The following B4GALNT2 variants were observed in gnomAD, a reference collection of about 807,000 sequenced individuals.
B4GALNT2 encodes the protein N-acetylneuraminylgalactosylglucosyl-glucoside beta-1,4-N- acetylgalactosaminyltransferase 2.
In B4GALNT2, 42 loss-of-function variants were observed where a neutral mutation model predicts 51.1. That is an observed-to-expected ratio of 0.82 (90% CI 0.64 to 1.06). The LOEUF (loss-of-function observed/expected upper bound fraction) is 1.06. Ranked by LOEUF, B4GALNT2 falls within the 50% of genes least tolerant of loss-of-function variation. The probability of loss-of-function intolerance (pLI) is 0.00; values close to 1 mark genes in which losing one functional copy is unlikely to be tolerated. For synonymous variants in B4GALNT2, 253 were observed against 251.7 expected, an observed-to-expected ratio of 1.01 and a Z score of -0.05; for missense variants, 602 against 633.6, an observed-to-expected ratio of 0.95 and a Z score of 0.54.
At chr17:49,167,972 G>A (rs571068789) in intron 9 of B4GALNT2, among the ~76,000 whole-genome samples, 10 of 152,018 alleles carry the variant, frequency 6.6e-5, no homozygotes, top group African/African-American at 1.9e-4. Context: ...ATTCCACACC[G>A]TATGCCTGCA....
At chr17:49,152,949 A>C in intron 4 of B4GALNT2, 43 bp downstream of exon 4, 99 of 1,521,762 alleles carry the variant, frequency 6.5e-5, no homozygotes, top group African/African-American at 8.3e-5. Context: ...CAACATTCTC[A>C]CTCTTCTAAG....
At chr17:49,136,538 ATTTATTTAT>A (rs2042591875) in intron 1 of B4GALNT2, among the ~76,000 whole-genome samples, 2 of 149,820 alleles carry the variant, frequency 1.3e-5, no homozygotes, top group South Asian at 4.2e-4. Context: ...TTATTTATTT[ATTTATTTAT>A]TTATTTATTT....
chr17:49,148,638 A>AACTTG, intron 3 of B4GALNT2: 1 of 555,498 alleles, frequency 1.8e-6, no homozygotes. Flanking sequence ...TTCCTGCACA[A>AACTTG]AGCCTCCGGA....
At chr17:49,158,283 G>T (rs1484558817) in intron 5 of B4GALNT2, among the ~76,000 whole-genome samples, 8 of 152,154 alleles carry the variant, frequency 5.3e-5, no homozygotes, top group Admixed American at 2.6e-4. Flanking sequence ...CTTGTGAAAG[G>T]TCCCAGCAGT....
rs1226668323 is a variant in B4GALNT2 at position 49,169,659 on chromosome 17, C to A, written c.1452C>A (p.Asn484Lys). 2 of 1,610,430 alleles carry A rather than the reference C, an allele frequency of 1.2e-6. No individual in the cohort carries two copies. Among genetic ancestry groups the A allele is most frequent in the South Asian group, 1.1e-5 (1 of 90,772 alleles). Residue 484 changes from asparagine to lysine, a missense_variant, in exon 11 of 11, where the codon AAC becomes AAA. Asn to Lys is a moderately conservative substitution (Grantham distance 94, BLOSUM62 0). Coordinates refer to ENST00000393354, the MANE Select transcript of B4GALNT2 (RefSeq NM_001159387.2). Reference protein sequence around the residue: ...LEKTYNTYRSNTLTRVQFKLA... With the variant: ...LEKTYNTYRSKTLTRVQFKLA... ...AGACCTACAATACATACCGGTCCAA[C>A]ACCCTCACCCGGGTCCAGTTCAAGC... is the stretch of plus-strand genomic sequence containing the variant.
intron 3 of B4GALNT2, among the ~76,000 whole-genome samples, chr17:49,150,646 C>T (rs910529246): frequency 4.6e-5 from 7 of 151,384 alleles, no homozygotes; most frequent in Admixed American, 4.0e-4. Flanking sequence ...CTCTCTGAAA[C>T]ATGTGCTGTG....
intron 10 of B4GALNT2, 34 bp from the exon 11 acceptor site, chr17:49,169,489 C>T: frequency 6.3e-7 from 1 of 1,593,328 alleles, no homozygotes. Context: ...CTGACCGCAG[C>T]TCCCACTTCC....
chr17:49,173,707 AT>A lies in B4GALNT2; in HGVS notation c.*3982del, dbSNP rs1278849526. Reference sequence around the variant, plus strand: ...TCTCCCATTTCCTATCATAGTAGCGATTTGATCCAAATAAGGAGTTAGAGTC... The same window carrying A: ...TCTCCCATTTCCTATCATAGTAGCGATTGATCCAAATAAGGAGTTAGAGTC... On this transcript the variant is annotated 3_prime_UTR_variant, in exon 11 of 11. Transcript: ENST00000393354. 1 of 152,148 alleles carries A rather than the reference AT, an allele frequency of 6.6e-6. No individual in the cohort carries two copies. 9.4% of individuals were successfully genotyped at this position (152,148 alleles called of 1,614,324 possible). A position where few individuals can be genotyped will look rare whatever the true frequency, so the allele number is the denominator to read the frequency against.
In B4GALNT2 at chr17:49,142,116, C is replaced by A; in HGVS notation, c.297C>A (p.Ser99Arg). Residue 99 changes from serine (S) to arginine (R), a missense_variant, in exon 3 of 11, where the codon AGC becomes AGA. Physicochemically the swap from Ser to Arg is moderately radical, Grantham distance 110. Transcript: ENST00000393354. ...GYNFQDAYGQ[S>R]DLPAVKARRQ... ...ACTTTCAGGATGCCTATGGCCAGAG[C>A]GACCTCCCAGCGGTGAAAGCGAGGA... is the stretch of plus-strand genomic sequence containing the variant. 1 of 1,614,050 alleles carries A rather than the reference C, an allele frequency of 6.2e-7. No homozygotes were observed.
intron 3 of B4GALNT2, among the ~76,000 whole-genome samples, chr17:49,147,884 C>T (rs1024385101): frequency 6.6e-6 from 1 of 151,256 alleles, no homozygotes; most frequent in African/African-American, 2.4e-5. Flanking sequence ...TCCATATAAA[C>T]ATATACTGTT....
chr17:49,169,028 C>A, intron 10 of B4GALNT2, 128 bp downstream of exon 10: 1 of 910,802 alleles, frequency 1.1e-6, no homozygotes, highest in Non-Finnish European at 1.6e-6. Context: ...ATCCCTTTCC[C>A]CTTTCCCCTT....
upstream of B4GALNT2, among the ~76,000 whole-genome samples, chr17:49,128,351 G>T (rs1462180170): frequency 6.6e-6 from 1 of 152,182 alleles, no homozygotes; most frequent in Non-Finnish European, 1.5e-5. Flanking sequence ...CTGAAGGCTT[G>T]CGGGCAGGAG....
At chr17:49,156,192 C>T (rs924507446) in intron 4 of B4GALNT2, among the ~76,000 whole-genome samples, 3 of 152,188 alleles carry the variant, frequency 2.0e-5, no homozygotes, top group Admixed American at 6.5e-5. Flanking sequence ...TGGCCCCTGG[C>T]AACCACCGTT....
chr17:49,150,170 G>A (rs376919788), intron 3 of B4GALNT2, among the ~76,000 whole-genome samples: 9,386 of 119,026 alleles, frequency 0.079, 297 homozygotes, highest in East Asian at 0.22. Context: ...CCCTCTGTCC[G>A]GCCAGCCGCC....
At chr17:49,129,711 T>TG (rs71369273), upstream of B4GALNT2, among the ~76,000 whole-genome samples, 487 of 103,262 alleles carry the variant, frequency 4.7e-3, 4 homozygotes, top group Middle Eastern at 0.043. Flanking sequence ...TATTTCTGTG[T>TG]GGGGGGGGAA....
intron 7 of B4GALNT2, among the ~76,000 whole-genome samples, chr17:49,162,860 C>A (rs933704539): frequency 4.0e-5 from 5 of 123,978 alleles, no homozygotes; most frequent in African/African-American, 1.3e-4. Flanking sequence ...TTGCAGTGAG[C>A]CGAGATCATG....
upstream of B4GALNT2, among the ~76,000 whole-genome samples, chr17:49,131,820 A>G (rs571660094): frequency 5.3e-5 from 8 of 152,126 alleles, no homozygotes; most frequent in South Asian, 1.2e-3. Context: ...CCCATTTTGC[A>G]TGCATTTTGC....
chr17:49,152,910 A>G lies in B4GALNT2; in HGVS notation c.460+4A>G. 1.9e-6 allele frequency: 3 copies of G among 1,601,712 alleles called. No individual in the cohort carries two copies. Among genetic ancestry groups the G allele is most frequent in the Non-Finnish European group, 2.6e-6 (3 of 1,171,548 alleles). ...CTGCACACGGTTCCCATCCCAGGTA[A>G]GTACATCCACATACCAAGAGACCCC... On this transcript the variant is annotated splice_donor_region_variant and intron_variant, in intron 4 of 10. Transcript: ENST00000393354.
At chr17:49,122,106 C>G in the B4GALNT2 span, among the ~76,000 whole-genome samples, 26 of 152,118 alleles carry the variant, frequency 1.7e-4, no homozygotes, top group Non-Finnish European at 4.4e-5. Flanking sequence ...GAGGTTATCT[C>G]AGGGCTGGCA....
Sources: gnomAD v4.1 joint callset for allele counts (sites outside exome capture counted in the v4.1 genomes callset) on GRCh38, gnomAD v4.1.1 for gene constraint, MANE v1.5 for transcripts, NCBI Gene and HGNC (gene_info 2026-07-23, HGNC 2026-07-21) for gene names.